ILRUN: variants seen among roughly 807,000 people sequenced by gnomAD.
ILRUN encodes the protein protein ILRUN.
Under a neutral mutation model 33.8 loss-of-function variants are expected in ILRUN, and 3 were observed. The ratio of observed to expected loss-of-function variants is 0.09; its 90% CI spans 0.04 to 0.23. ILRUN has a LOEUF of 0.23. ILRUN is among the 10% of genes least tolerant of loss of function. ILRUN has a pLI of 1.00. For synonymous variants in ILRUN, 124 were observed against 138.9 expected, an observed-to-expected ratio of 0.89 and a Z score of 0.75; for missense variants, 210 against 375.1, an observed-to-expected ratio of 0.56 and a Z score of 3.64.
At chr6:34,675,048 A>G (rs1034246005) in intron 1 of ILRUN, among the ~76,000 whole-genome samples, 13 of 152,340 alleles carry the variant, frequency 8.5e-5, no homozygotes, top group African/African-American at 2.9e-4. Context: ...TCGGAGGCCC[A>G]GGTGGGCTAA....
intron 3 of ILRUN, among the ~76,000 whole-genome samples, chr6:34,615,925 G>A (rs559947053): frequency 6.6e-6 from 1 of 152,260 alleles, no homozygotes; most frequent in South Asian, 2.1e-4. Context: ...TTGGGCTGAG[G>A]CTGCTTGACT....
In ILRUN at chr6:34,643,568, A is replaced by C. The variant is rs530107815; in HGVS notation, c.511+3033T>G. 1.6e-3 allele frequency among the ~76,000 whole-genome samples: 238 copies of C among 152,294 alleles called. 1 individual carries two copies. The highest frequency in any genetic ancestry group is 5.3e-3 in the African/African-American group (221 of 41,554). On this transcript the variant is annotated intron_variant, in intron 3 of 4. Coordinates refer to ENST00000374023, the MANE Select transcript of ILRUN (RefSeq NM_024294.4). Reference sequence around the variant, plus strand: ...TCTTCAGTTAATAATGTAAAAAAAAACCTGCATTTACATGGTTAAATTCTT... The same window carrying C: ...TCTTCAGTTAATAATGTAAAAAAAACCCTGCATTTACATGGTTAAATTCTT...
At chr6:34,681,069 A>G (rs1763349344) in intron 1 of ILRUN, among the ~76,000 whole-genome samples, 1 of 152,180 alleles carries the variant, frequency 6.6e-6, no homozygotes, top group Non-Finnish European at 1.5e-5. Context: ...AAAGTAAAAA[A>G]TAAAATTTAC....
intron 3 of ILRUN, among the ~76,000 whole-genome samples, chr6:34,627,795 C>A (rs1323909120): frequency 6.6e-6 from 1 of 151,700 alleles, no homozygotes; most frequent in African/African-American, 2.4e-5. Context: ...CCTCCGCCTC[C>A]CTGGTTCAAG....
chr6:34,657,483 T>C (rs757011973), intron 1 of ILRUN, among the ~76,000 whole-genome samples: 2 of 152,228 alleles, frequency 1.3e-5, no homozygotes, highest in African/African-American at 2.4e-5. Flanking sequence ...TCAAAGCTTA[T>C]TTGTATGTGT....
chr6:34,623,394 C>T (rs1461035328), intron 3 of ILRUN, among the ~76,000 whole-genome samples: 3 of 152,126 alleles, frequency 2.0e-5, no homozygotes, highest in African/African-American at 4.8e-5. Context: ...TTGCAACAAT[C>T]CCACCCCACC....
At chr6:34,654,895 G>T in intron 1 of ILRUN, 116 bp from the exon 2 acceptor site, 1 of 944,862 alleles carries the variant, frequency 1.1e-6, no homozygotes, top group Non-Finnish European at 1.5e-6. Flanking sequence ...GAGGCTCCTG[G>T]TATACACGTC....
intron 4 of ILRUN, among the ~76,000 whole-genome samples, chr6:34,602,899 C>G (rs1356792520): frequency 6.6e-6 from 1 of 152,186 alleles, no homozygotes. Context: ...TCAAGAACAG[C>G]TGGGAAGGAC....
intron 3 of ILRUN, among the ~76,000 whole-genome samples, chr6:34,608,295 G>A (rs1006946352): frequency 6.6e-6 from 1 of 151,892 alleles, no homozygotes; most frequent in Non-Finnish European, 1.5e-5. Flanking sequence ...TCAGGAGGCT[G>A]AGGCAGGAGA....
chr6:34,618,002 A>C (rs1761934023), intron 3 of ILRUN, among the ~76,000 whole-genome samples: 1 of 152,200 alleles, frequency 6.6e-6, no homozygotes, highest in Admixed American at 6.5e-5. Flanking sequence ...TATTTCAAAA[A>C]TATGAGATTT....
intron 4 of ILRUN, among the ~76,000 whole-genome samples, chr6:34,593,292 T>A (rs1761333596): frequency 6.6e-6 from 1 of 152,232 alleles, no homozygotes; most frequent in Admixed American, 6.5e-5. Context: ...TTTACCCCTT[T>A]ACCCTAAATT....
intron 1 of ILRUN, among the ~76,000 whole-genome samples, chr6:34,682,041 C>CT (rs552894159): frequency 0.015 from 1,402 of 90,480 alleles, 47 homozygotes; most frequent in African/African-American, 0.049. Context: ...TATTTTTTTA[C>CT]TTTTTTTTTT....
At chr6:34,651,734 TAA>T (rs10618162) in intron 2 of ILRUN, among the ~76,000 whole-genome samples, 31,414 of 132,602 alleles carry the variant, frequency 0.24, 4,271 homozygotes, top group East Asian at 0.45. Flanking sequence ...CCTCATTTAT[TAA>T]AAAAAAAAAA....
chr6:34,673,136 G>A (rs890408557), intron 1 of ILRUN, among the ~76,000 whole-genome samples: 1 of 152,258 alleles, frequency 6.6e-6, no homozygotes, highest in African/African-American at 2.4e-5. Context: ...TATCAGCTAA[G>A]TATCAAGGTA....
chr6:34,661,859 C>T (rs1266905313), intron 1 of ILRUN, among the ~76,000 whole-genome samples: 1 of 152,120 alleles, frequency 6.6e-6, no homozygotes, highest in Non-Finnish European at 1.5e-5. Context: ...GGCGCGGTGG[C>T]TCACGCCTGT....
chr6:34,696,320 C>T, intron 1 of ILRUN, 126 bp downstream of exon 1: 1 of 1,024,402 alleles, frequency 9.8e-7, no homozygotes, highest in Non-Finnish European at 1.4e-6. Context: ...TCGTCCTCCC[C>T]GTCCCGGGAA....
intron 1 of ILRUN, among the ~76,000 whole-genome samples, chr6:34,673,884 C>CA (rs1369375767): frequency 6.9e-6 from 1 of 145,748 alleles, no homozygotes; most frequent in Non-Finnish European, 1.5e-5. Flanking sequence ...GATCCTGTCT[C>CA]AAAAACAGTA....
intron 1 of ILRUN, among the ~76,000 whole-genome samples, chr6:34,683,802 C>T (rs868209420): frequency 2.0e-5 from 3 of 152,010 alleles, no homozygotes; most frequent in Non-Finnish European, 2.9e-5. Flanking sequence ...GTGGCTCATG[C>T]CTGTAATCCC....
rs1051059200 is a variant in ILRUN at position 34,646,232 on chromosome 6, T to C, written c.511+369A>G. ...AGTTTGACAAGTAGGTTGGAAGAAG[T>C]ATGCACATTTTGTGCATTATCTGTT... On this transcript the variant is annotated intron_variant, in intron 3 of 4. Coordinates refer to ENST00000374023, the MANE Select transcript of ILRUN (RefSeq NM_024294.4). The surrounding 1 kb of genome is among the most constrained non-coding windows in gnomAD (Gnocchi z 4.9). Among the ~76,000 whole-genome samples the C allele has an allele frequency of 7.9e-5, 12 of 152,224 alleles. No individual in the cohort carries two copies. Among genetic ancestry groups the C allele is most frequent in the African/African-American group, 2.9e-4 (12 of 41,460 alleles).
Sources: allele counts gnomAD v4.1 joint callset (sites outside exome capture counted in the v4.1 genomes callset), GRCh38; gene constraint gnomAD v4.1.1; non-coding constraint Gnocchi (gnomAD v3.1); transcripts MANE v1.5; gene names NCBI Gene and HGNC (gene_info 2026-07-23, HGNC 2026-07-21).